IFT56: variants seen among roughly 807,000 people sequenced by gnomAD.
The protein encoded by IFT56 is intraflagellar transport 56.
chr7:139,134,832 C>T, the IFT56 span: 1 of 1,597,176 alleles, frequency 6.3e-7, no homozygotes, highest in South Asian at 1.1e-5. Flanking sequence ...GTATGAATAC[C>T]AGACTGTAGA....
At chr7:139,143,015 G>A in the IFT56 span, among the ~76,000 whole-genome samples, 2 of 151,668 alleles carry the variant, frequency 1.3e-5, no homozygotes, top group South Asian at 2.1e-4. Context: ...TTAAATAATT[G>A]TTTAATTTAT....
At chr7:139,191,429 C>A in the IFT56 span, 7 of 152,188 alleles carry the variant, frequency 4.6e-5, no homozygotes, top group South Asian at 1.5e-3. Flanking sequence ...AACTCGTCTG[C>A]AGGTTTTGGC....
At chr7:139,147,704 A>G in the IFT56 span, among the ~76,000 whole-genome samples, 3 of 152,216 alleles carry the variant, frequency 2.0e-5, no homozygotes, top group Admixed American at 2.0e-4. Context: ...TATCAAACTT[A>G]GTGTTATAGT....
the IFT56 span, chr7:139,167,011 C>T: frequency 3.3e-6 from 2 of 598,488 alleles, no homozygotes; most frequent in Non-Finnish European, 6.1e-6. Context: ...TGTAGAATCC[C>T]AGGAAAAGAC....
the IFT56 span, among the ~76,000 whole-genome samples, chr7:139,157,156 T>TG: frequency 8.0e-6 from 1 of 125,370 alleles, no homozygotes; most frequent in African/African-American, 3.5e-5. Flanking sequence ...TTTTTTTTTT[T>TG]TTTTTTTGAG....
chr7:139,167,171 T>C, the IFT56 span, among the ~76,000 whole-genome samples: 3 of 152,326 alleles, frequency 2.0e-5, no homozygotes, highest in East Asian at 5.8e-4. Context: ...TTTGGAAATA[T>C]GAAAATTTAG....
chr7:139,135,082 C>T, the IFT56 span, among the ~76,000 whole-genome samples: 12 of 152,184 alleles, frequency 7.9e-5, no homozygotes, highest in East Asian at 2.3e-3. Context: ...AGATCGAGAC[C>T]ATCCTGGCCA....
At chr7:139,163,310 C>G in the IFT56 span, among the ~76,000 whole-genome samples, 1 of 150,630 alleles carries the variant, frequency 6.6e-6, no homozygotes, top group African/African-American at 2.4e-5. Context: ...CCACTGCACT[C>G]CAGCCTGGGT....
At chr7:139,141,473 A>T in the IFT56 span, among the ~76,000 whole-genome samples, 4 of 152,160 alleles carry the variant, frequency 2.6e-5, no homozygotes, top group Non-Finnish European at 4.4e-5. Context: ...ATAGGTACTA[A>T]TGTAGTTTTT....
At chr7:139,149,162 G>A in the IFT56 span, among the ~76,000 whole-genome samples, 1 of 151,750 alleles carries the variant, frequency 6.6e-6, no homozygotes, top group Non-Finnish European at 1.5e-5. Context: ...AAAATTAGCT[G>A]GGCGTGGTGG....
At chr7:139,190,288 C>T in the IFT56 span, 1 of 152,366 alleles carries the variant, frequency 6.6e-6, no homozygotes, top group African/African-American at 2.4e-5. Context: ...CTCTGTCGCC[C>T]AGGCTGGAGT....
At chr7:139,178,113 G>T in the IFT56 span, 1 of 818,140 alleles carries the variant, frequency 1.2e-6, no homozygotes, top group South Asian at 1.7e-5. Context: ...AGATATTTTG[G>T]AATATTTTCC....
chr7:139,174,439 C>A, the IFT56 span, among the ~76,000 whole-genome samples: 1 of 152,086 alleles, frequency 6.6e-6, no homozygotes, highest in African/African-American at 2.4e-5. Flanking sequence ...GGTTCCCGAC[C>A]GTGTGTGAGC....
the IFT56 span, chr7:139,189,567 A>G: frequency 1.6e-6 from 1 of 635,012 alleles, no homozygotes; most frequent in East Asian, 2.9e-5. Context: ...CCTCAAGGTC[A>G]GAGACTGACT....
the IFT56 span, chr7:139,172,893 A>G: frequency 8.5e-6 from 6 of 703,118 alleles, no homozygotes; most frequent in Non-Finnish European, 1.6e-5. Flanking sequence ...ACAATCTGCT[A>G]TGCACGGGTG....
the IFT56 span, among the ~76,000 whole-genome samples, chr7:139,152,871 A>T: frequency 6.6e-6 from 1 of 152,220 alleles, no homozygotes; most frequent in Admixed American, 6.5e-5. Flanking sequence ...AATGTTGGCC[A>T]GGCACAGTGT....
the IFT56 span, chr7:139,173,914 C>A: frequency 1.4e-6 from 1 of 708,298 alleles, no homozygotes; most frequent in Admixed American, 1.9e-5. Context: ...TCTTTCACTT[C>A]AGTCTTTTCT....
the IFT56 span, among the ~76,000 whole-genome samples, chr7:139,180,065 C>G: frequency 6.6e-6 from 1 of 152,198 alleles, no homozygotes; most frequent in Non-Finnish European, 1.5e-5. Flanking sequence ...AGGCCGGGCG[C>G]GGTGGCTCAT....
chr7:139,164,602 T>A, the IFT56 span, among the ~76,000 whole-genome samples: 1 of 152,296 alleles, frequency 6.6e-6, no homozygotes, highest in East Asian at 1.9e-4. Context: ...GAAGTCAAGG[T>A]CATATGCATC....
Sources: allele counts gnomAD v4.1 joint callset (sites outside exome capture counted in the v4.1 genomes callset), GRCh38; gene constraint gnomAD v4.1.1; transcripts MANE v1.5; gene names NCBI Gene and HGNC (gene_info 2026-07-23, HGNC 2026-07-21).